Variants in GPR39 observed in about 807,000 individuals in gnomAD.
GPR39 encodes zinc sensing receptor.
In GPR39, 23 loss-of-function variants were observed where a neutral mutation model predicts 18.4. The ratio of observed to expected loss-of-function variants is 1.25; its 90% CI spans 0.90 to 1.77. The LOEUF (loss-of-function observed/expected upper bound fraction) is 1.77, where lower values mean the gene tolerates loss of function less well. Ranked by LOEUF, GPR39 falls within the 40% of genes most tolerant of loss-of-function variation. The probability of loss-of-function intolerance (pLI) is 0.00; values close to 1 mark genes in which losing one functional copy is unlikely to be tolerated. For missense variants in GPR39, 647 were observed against 602.4 expected (o/e 1.07, Z -0.78); for synonymous variants, 280 against 257.9 (o/e 1.09, Z -0.82).
At chr2:132,502,872 AG>A (rs1679072616) in intron 1 of GPR39, among the ~76,000 whole-genome samples, 1 of 152,114 alleles carries the variant, frequency 6.6e-6, no homozygotes. Context: ...GAGATTTTCT[AG>A]TGCATTTTTT....
chr2:132,449,238 T>C (rs1680591505), intron 1 of GPR39, among the ~76,000 whole-genome samples: 1 of 151,234 alleles, frequency 6.6e-6, no homozygotes, highest in African/African-American at 2.4e-5. Flanking sequence ...CGTGTTTTTT[T>C]GTTTGTTTGT....
chr2:132,492,793 C>CCATATATATACCAT (rs1681516053), intron 1 of GPR39, among the ~76,000 whole-genome samples: 1 of 8,632 alleles, frequency 1.2e-4, no homozygotes, highest in Non-Finnish European at 3.4e-4. Flanking sequence ...ATATATATAC[C>CCATATATATACCAT]ATATATACCA....
chr2:132,542,582 G>A (rs1679880858), intron 1 of GPR39, among the ~76,000 whole-genome samples: 1 of 152,212 alleles, frequency 6.6e-6, no homozygotes, highest in Admixed American at 6.5e-5. Flanking sequence ...GCATGGAAGG[G>A]TTGTGGGCAC....
chr2:132,560,063 C>G (rs1246682421), intron 1 of GPR39, among the ~76,000 whole-genome samples: 1 of 152,104 alleles, frequency 6.6e-6, no homozygotes, highest in African/African-American at 2.4e-5. Context: ...GTGCTCCCAG[C>G]CTCCAATGGG....
intron 1 of GPR39, among the ~76,000 whole-genome samples, chr2:132,451,974 A>G (rs1419526406): frequency 6.6e-6 from 1 of 152,208 alleles, no homozygotes; most frequent in African/African-American, 2.4e-5. Flanking sequence ...TCTTCAAGAC[A>G]TAACAAAATG....
At chr2:132,486,154 A>T (rs564741322) in intron 1 of GPR39, among the ~76,000 whole-genome samples, 35 of 152,296 alleles carry the variant, frequency 2.3e-4, no homozygotes, top group Admixed American at 4.6e-4. Context: ...TTGTTTTCTG[A>T]GCAGTAGTAT....
chr2:132,497,453 A>T (rs1681668456), intron 1 of GPR39, among the ~76,000 whole-genome samples: 1 of 152,210 alleles, frequency 6.6e-6, no homozygotes, highest in Non-Finnish European at 1.5e-5. Context: ...TTAAGAACTT[A>T]CGTGACTACC....
intron 1 of GPR39, among the ~76,000 whole-genome samples, chr2:132,444,943 T>C (rs1680507656): frequency 6.6e-6 from 1 of 152,124 alleles, no homozygotes; most frequent in Non-Finnish European, 1.5e-5. Context: ...AGGTACCAGT[T>C]TCCTAAGAGC....
At chr2:132,517,523 A>T (rs1414522967) in intron 1 of GPR39, among the ~76,000 whole-genome samples, 2 of 152,102 alleles carry the variant, frequency 1.3e-5, no homozygotes, top group South Asian at 2.1e-4. Context: ...ATAGAATCTG[A>T]TCTTTTTCAT....
rs1458622362 is a variant in GPR39, at chr2:132,646,119, C to T, written c.*513C>T. 1 of 1,608,984 alleles carries T rather than the reference C, an allele frequency of 6.2e-7. No homozygotes were observed. The highest frequency in any genetic ancestry group is 1.1e-5 in the South Asian group (1 of 90,148). On this transcript the variant is annotated 3_prime_UTR_variant, in exon 2 of 2. Coordinates refer to ENST00000329321, the MANE Select transcript of GPR39 (RefSeq NM_001508.3). ...CGGAGCCCTGGCCTGAGGGCCGAGG[C>T]AGAACTTCCCCTTTTCTTGGGCCTT...
chr2:132,624,487 T>C (rs1681507050), intron 1 of GPR39, among the ~76,000 whole-genome samples: 2 of 152,356 alleles, frequency 1.3e-5, no homozygotes, highest in South Asian at 4.1e-4. Flanking sequence ...GTTTACAACA[T>C]ACATACTGAA....
At chr2:132,617,127 T>C (rs1393298489) in intron 1 of GPR39, among the ~76,000 whole-genome samples, 2 of 152,256 alleles carry the variant, frequency 1.3e-5, no homozygotes, top group African/African-American at 4.8e-5. Flanking sequence ...AGCAGCTATG[T>C]GTAGATGTAC....
chr2:132,614,437 ATCTTGATCTCTTGACCTCG>A (rs748273384), intron 1 of GPR39, among the ~76,000 whole-genome samples: 1 of 151,864 alleles, frequency 6.6e-6, no homozygotes. Flanking sequence ...TGACCTCGTG[ATCTTGATCTCTTGACCTCG>A]TCTTGATCTC....
At chr2:132,634,673 T>C (rs766981737) in intron 1 of GPR39, among the ~76,000 whole-genome samples, 99 of 152,336 alleles carry the variant, frequency 6.5e-4, no homozygotes, top group Admixed American at 1.6e-3. Flanking sequence ...AATTTCCTTC[T>C]TTGGCAGCAG....
intron 1 of GPR39, among the ~76,000 whole-genome samples, chr2:132,497,847 G>A (rs1194528329): frequency 6.6e-6 from 1 of 152,110 alleles, no homozygotes; most frequent in African/African-American, 2.4e-5. Flanking sequence ...AAAGAGAAGG[G>A]AATGGTTTCA....
At chr2:132,572,664 G>C (rs1217053933) in intron 1 of GPR39, among the ~76,000 whole-genome samples, 3 of 152,212 alleles carry the variant, frequency 2.0e-5, no homozygotes, top group East Asian at 1.9e-4. Flanking sequence ...ATATCCATAG[G>C]AGTCCGCTAT....
intron 1 of GPR39, among the ~76,000 whole-genome samples, chr2:132,490,800 G>A (rs535422438): frequency 6.7e-6 from 1 of 150,198 alleles, no homozygotes; most frequent in African/African-American, 2.5e-5. Context: ...GAGCCTCCAG[G>A]GACCCCTAAT....
Position 132,417,727 on chromosome 2 carries a change from G to C in GPR39, c.685G>C (p.Val229Leu). 1 of 1,614,142 alleles carries C rather than the reference G, an allele frequency of 6.2e-7. No individual in the cohort carries two copies. The highest frequency in any genetic ancestry group is 8.5e-7 in the Non-Finnish European group (1 of 1,180,020). Reference sequence around the variant, plus strand: ...CCAGTCCAGCATCTTCGGCGCCTTCGTGGTCTACCTCGTGGTCCTGCTCTC... The same window carrying C: ...CCAGTCCAGCATCTTCGGCGCCTTCCTGGTCTACCTCGTGGTCCTGCTCTC... ...VFQSSIFGAFVVYLVVLLSVA... is the reference protein window; with the variant it reads ...VFQSSIFGAFLVYLVVLLSVA... The change falls in exon 1 of 2, where the codon GTG becomes CTG. Residue 229 changes from valine (V) to leucine (L), a missense_variant. Transcript: ENST00000329321.
chr2:132,544,593 G>C (rs968286945), intron 1 of GPR39, among the ~76,000 whole-genome samples: 3 of 152,214 alleles, frequency 2.0e-5, no homozygotes, highest in Admixed American at 6.5e-5. Context: ...TTGGCCTGCT[G>C]GGCCATGCCT....
Sources: allele counts gnomAD v4.1 joint callset (sites outside exome capture counted in the v4.1 genomes callset), GRCh38; gene constraint gnomAD v4.1.1; transcripts MANE v1.5; gene names NCBI Gene and HGNC (gene_info 2026-07-23, HGNC 2026-07-21).